The following PCOLCE2 variants were observed in gnomAD, a reference collection of about 807,000 sequenced individuals.
PCOLCE2 encodes the protein procollagen C-endopeptidase enhancer 2.
Under a neutral mutation model 47.0 loss-of-function variants are expected in PCOLCE2, and 42 were observed. The observed-to-expected ratio is 0.89, with a 90% CI of 0.70 to 1.16. PCOLCE2 has a LOEUF of 1.16. Among genes scored for constraint, PCOLCE2 ranks in the 50% most tolerant of loss-of-function variants. The pLI, the probability that PCOLCE2 is intolerant of heterozygous loss-of-function variation, is 0.00. For synonymous variants in PCOLCE2, 169 were observed against 191.7 expected (o/e 0.88, Z 0.98); for missense variants, 500 against 526.1 (o/e 0.95, Z 0.49).
chr3:142,829,883 A>G, intron 5 of PCOLCE2, 37 bp from the exon 6 acceptor site: 8 of 1,254,998 alleles, frequency 6.4e-6, no homozygotes, highest in Non-Finnish European at 9.0e-6. Flanking sequence ...ATAAATACTT[A>G]AAAGTGGTGC....
chr3:142,870,706 A>C (rs1011112733), intron 2 of PCOLCE2, among the ~76,000 whole-genome samples: 5 of 135,386 alleles, frequency 3.7e-5, no homozygotes, highest in African/African-American at 1.4e-4. Context: ...GAATGAGGCA[A>C]TTTTTTTTTT....
At chr3:142,827,060 T>A in intron 6 of PCOLCE2, 1 of 1,114,118 alleles carries the variant, frequency 9.0e-7, no homozygotes. Context: ...TTACTTTTTT[T>A]TGGCATAAAG....
intron 2 of PCOLCE2, among the ~76,000 whole-genome samples, chr3:142,852,186 A>G (rs572906897): frequency 4.6e-5 from 7 of 152,346 alleles, no homozygotes; most frequent in African/African-American, 1.7e-4. Context: ...GCAAATGAGA[A>G]GCATACTGCT....
At chr3:142,857,208 C>T (rs1195869983) in intron 2 of PCOLCE2, among the ~76,000 whole-genome samples, 1 of 152,154 alleles carries the variant, frequency 6.6e-6, no homozygotes, top group Non-Finnish European at 1.5e-5. Context: ...CCTGTGGCTG[C>T]GAGGAGCAGC....
At chr3:142,856,705 T>G (rs1032376006) in intron 2 of PCOLCE2, among the ~76,000 whole-genome samples, 1 of 152,236 alleles carries the variant, frequency 6.6e-6, no homozygotes, top group African/African-American at 2.4e-5. Flanking sequence ...GGGAAAGAGA[T>G]AACGTTGAAA....
chr3:142,885,023 A>ATT (rs760490984), intron 2 of PCOLCE2, among the ~76,000 whole-genome samples: 38,717 of 152,058 alleles, frequency 0.25, 5,825 homozygotes, highest in Non-Finnish European at 0.34. Context: ...AATTGCTATA[A>ATT]AAATTTTAAA....
intron 5 of PCOLCE2, among the ~76,000 whole-genome samples, chr3:142,830,755 T>TA (rs1236742678): frequency 6.6e-6 from 1 of 152,184 alleles, no homozygotes; most frequent in Admixed American, 6.5e-5. Context: ...ACACAATGGT[T>TA]AAAAAAATGC....
chr3:142,879,586 A>G (rs1396777574), intron 2 of PCOLCE2, among the ~76,000 whole-genome samples: 2 of 152,216 alleles, frequency 1.3e-5, no homozygotes, highest in African/African-American at 4.8e-5. Flanking sequence ...CCTGCTTCCC[A>G]GAAAAATTTA....
At chr3:142,836,223 A>G (rs1165867740) in intron 5 of PCOLCE2, among the ~76,000 whole-genome samples, 1 of 152,222 alleles carries the variant, frequency 6.6e-6, no homozygotes, top group Non-Finnish European at 1.5e-5. Context: ...AAGCCAAGGC[A>G]AAACCAGCCA....
chr3:142,857,492 C>T (rs925699612), intron 2 of PCOLCE2, among the ~76,000 whole-genome samples: 2 of 152,116 alleles, frequency 1.3e-5, no homozygotes, highest in Admixed American at 1.3e-4. Context: ...CTCTACCAAG[C>T]CCATCCTAGA....
In PCOLCE2 at chr3:142,848,596, C is replaced by A. The variant is rs371993427; in HGVS notation, c.193-124G>T. The A allele has an allele frequency of 1.3e-5, 11 of 825,366 alleles. No individual in the cohort carries two copies. In the African/African-American group the frequency reaches 1.7e-4, roughly 13 times the overall value. The allele number at this position is 825,366 out of a possible 1,614,324, so 51.1% of individuals were successfully genotyped here. ...GATAATGCTTTTTCCTCTCTCATAT[C>A]TGAACTAACCCAAGGGAAGTTTTCT... On this transcript the variant is annotated intron_variant, in intron 2 of 8. Transcript: ENST00000295992.
At chr3:142,887,484 A>C in intron 2 of PCOLCE2, 185 bp downstream of exon 2, 2 of 552,296 alleles carry the variant, frequency 3.6e-6, no homozygotes, top group East Asian at 5.9e-5. Context: ...GTAATCACTA[A>C]TGCAGGACAC....
At chr3:142,826,852 C>T (rs967181845) in intron 6 of PCOLCE2, among the ~76,000 whole-genome samples, 1 of 152,180 alleles carries the variant, frequency 6.6e-6, no homozygotes, top group Non-Finnish European at 1.5e-5. Flanking sequence ...CCACGGCTTT[C>T]ACCACACATC....
At chr3:142,819,939 A>T (rs1199554781) in intron 8 of PCOLCE2, among the ~76,000 whole-genome samples, 1 of 151,736 alleles carries the variant, frequency 6.6e-6, no homozygotes, top group African/African-American at 2.4e-5. Context: ...CTTGAAGTGG[A>T]TATTCTGTAT....
At chr3:142,850,494 T>C (rs1191072622) in intron 2 of PCOLCE2, among the ~76,000 whole-genome samples, 1 of 152,026 alleles carries the variant, frequency 6.6e-6, no homozygotes, top group Non-Finnish European at 1.5e-5. Flanking sequence ...CAAACCACAA[T>C]AGAGACTGAG....
chr3:142,872,385 T>C (rs1157795084), intron 2 of PCOLCE2, among the ~76,000 whole-genome samples: 1 of 152,078 alleles, frequency 6.6e-6, no homozygotes, highest in Non-Finnish European at 1.5e-5. Context: ...CACTGGGCTC[T>C]TCAGGATCTA....
intron 4 of PCOLCE2, 108 bp from the exon 5 acceptor site, chr3:142,839,014 G>T: frequency 1.2e-6 from 1 of 800,262 alleles, no homozygotes; most frequent in Non-Finnish European, 1.9e-6. Context: ...ATTTTCCTTT[G>T]TAAAAAAAGT....
chr3:142,828,774 G>T (rs1288111146), intron 6 of PCOLCE2, among the ~76,000 whole-genome samples: 1 of 152,198 alleles, frequency 6.6e-6, no homozygotes, highest in Non-Finnish European at 1.5e-5. Context: ...CTAGCTCAAT[G>T]GGTGTGACCA....
chr3:142,821,382 C>A (rs975112295), intron 7 of PCOLCE2, among the ~76,000 whole-genome samples: 5 of 152,146 alleles, frequency 3.3e-5, no homozygotes, highest in Admixed American at 1.3e-4. Context: ...TGAGGCTCTA[C>A]CTGTGAATAC....
Sources: gnomAD v4.1 joint callset for allele counts (sites outside exome capture counted in the v4.1 genomes callset) on GRCh38, gnomAD v4.1.1 for gene constraint, MANE v1.5 for transcripts, NCBI Gene and HGNC (gene_info 2026-07-23, HGNC 2026-07-21) for gene names.